Variants in NCKAP1 observed in about 807,000 individuals in gnomAD.
NCKAP1 encodes the protein nck-associated protein 1.
Under a neutral mutation model 151.2 loss-of-function variants are expected in NCKAP1, and 21 were observed. The ratio of observed to expected loss-of-function variants is 0.14; its 90% confidence interval spans 0.10 to 0.20. The LOEUF (loss-of-function observed/expected upper bound fraction) is 0.20. Among genes scored for constraint, NCKAP1 ranks in the 10% least tolerant of loss-of-function variants. The probability of loss-of-function intolerance (pLI) is 1.00; values close to 1 mark genes in which losing one functional copy is unlikely to be tolerated. For synonymous variants in NCKAP1, 484 were observed against 451.8 expected (o/e 1.07, Z -0.90); for missense variants, 933 against 1,352.1 (o/e 0.69, Z 4.86).
At chr2:182,971,016 T>C (rs1480347338) in intron 15 of NCKAP1, among the ~76,000 whole-genome samples, 1 of 151,628 alleles carries the variant, frequency 6.6e-6, no homozygotes, top group Non-Finnish European at 1.5e-5. Flanking sequence ...AAAAAGCCTA[T>C]GAACAAACTT....
chr2:182,925,804 A>T lies in NCKAP1; in HGVS notation c.3285T>A (p.Ser1095=). 1.3e-6 allele frequency: 2 copies of T among 1,567,256 alleles called. No individual in the cohort carries two copies. The highest frequency in any genetic ancestry group is 1.7e-6 in the Non-Finnish European group (2 of 1,156,706). The change falls in exon 31 of 31, where the codon TCT becomes TCA. Residue 1095 remains serine (S), a synonymous_variant. Transcript: ENST00000361354. Reference sequence around the variant, plus strand: ...CCAAAAGATCCATTGTAAGGAATGGAGATTCTTGTACAATCTGTAAAATTC... The same window carrying T: ...CCAAAAGATCCATTGTAAGGAATGGTGATTCTTGTACAATCTGTAAAATTC... ...YLLLDMIVQE[S]PFLTMDLLES... is the part of the protein sequence containing the mutation.
rs956328003 is a variant in NCKAP1, at chr2:182,913,947, C to A, written c.*11755G>T. 1 of 152,224 alleles carries A rather than the reference C, an allele frequency of 6.6e-6. No homozygotes were observed. Among genetic ancestry groups the A allele is most frequent in the Non-Finnish European group, 1.5e-5 (1 of 68,098 alleles). 9.4% of individuals were successfully genotyped at this position (152,224 alleles called of 1,614,324 possible). ...CTTAAGTAGCCCCCACAACCCTCAG[C>A]CTCTTGGTTCTAACTTAGTGAGAAA... On this transcript the variant is annotated 3_prime_UTR_variant, in exon 31 of 31. Transcript: ENST00000361354.
intron 8 of NCKAP1, among the ~76,000 whole-genome samples, chr2:182,992,225 C>A (rs1698183571): frequency 6.6e-6 from 1 of 152,076 alleles, no homozygotes; most frequent in African/African-American, 2.4e-5. Flanking sequence ...GGTAGTAGTT[C>A]CAAAAAGAGA....
intron 20 of NCKAP1, among the ~76,000 whole-genome samples, chr2:182,955,636 G>A (rs1462181425): frequency 6.6e-6 from 1 of 152,050 alleles, no homozygotes; most frequent in Admixed American, 6.6e-5. Context: ...TAGTCCTCAG[G>A]TCTTCAAACA....
intron 1 of NCKAP1, among the ~76,000 whole-genome samples, chr2:183,037,428 C>A (rs1199474072): frequency 2.6e-5 from 4 of 152,170 alleles, no homozygotes; most frequent in Non-Finnish European, 4.4e-5. Context: ...AATCCCAAAT[C>A]GTCAACACAC....
intron 9 of NCKAP1, 89 bp downstream of exon 9, chr2:182,988,941 T>G: frequency 5.1e-6 from 6 of 1,172,162 alleles, no homozygotes; most frequent in Middle Eastern, 4.1e-4. Flanking sequence ...CTGCACAGTG[T>G]GACTACTCCT....
chr2:182,953,355 A>G, intron 20 of NCKAP1, 24 bp from the exon 21 acceptor site: 3 of 1,534,858 alleles, frequency 2.0e-6, no homozygotes, highest in Non-Finnish European at 2.7e-6. Flanking sequence ...ATAGAAGAAT[A>G]AGAAAAGCCT....
chr2:183,037,301 G>A (rs895403622), intron 1 of NCKAP1, among the ~76,000 whole-genome samples: 3 of 152,204 alleles, frequency 2.0e-5, no homozygotes, highest in African/African-American at 7.2e-5. Flanking sequence ...ATGAGGAGGA[G>A]TACAGGGGAA....
rs1209787027 is a variant in NCKAP1, at chr2:182,962,220, G to T, written c.1820C>A (p.Ala607Asp). 1 of 1,612,358 alleles carries T rather than the reference G, an allele frequency of 6.2e-7. No homozygotes were observed. Among genetic ancestry groups the T allele is most frequent in the South Asian group, 1.1e-5 (1 of 90,910 alleles). The change falls in exon 18 of 31, where the codon GCC becomes GAC. Residue 607 changes from alanine to aspartate, a missense_variant. By Grantham distance (126) the Ala-to-Asp change is moderately radical. Around this residue, in one of 2 missense-constraint regions of NCKAP1, gnomAD observed 607 missense variants for 795.0 expected, o/e 0.76. Coordinates refer to ENST00000361354, the MANE Select transcript of NCKAP1 (RefSeq NM_013436.5). ...AGTGATGAGATTTCGAGCTTGTTTG[G>T]CCATTTCATCTAGGAACATATTACA... ...SLCNMFLDEMAKQARNLITDI... is the reference protein window; with the variant it reads ...SLCNMFLDEMDKQARNLITDI...
Position 182,921,902 on chromosome 2 carries a change from G to C in NCKAP1, c.*3800C>G, listed in dbSNP as rs1018175609. On this transcript the variant is annotated 3_prime_UTR_variant, in exon 31 of 31. Transcript: ENST00000361354. ...ATTAAATTTCCTTCCAATTCCACAG[G>C]ACCAATTAACGAAAAACATAATTTT... 1.3e-5 allele frequency: 2 copies of C among 152,020 alleles called. No individual in the cohort carries two copies. The highest frequency in any genetic ancestry group is 2.4e-5 in the African/African-American group (1 of 41,390). 9.4% of individuals were successfully genotyped at this position (152,020 alleles called of 1,614,324 possible). A position where few individuals can be genotyped will look rare whatever the true frequency, so the allele number is the denominator to read the frequency against.
At chr2:183,032,865 G>A (rs1373183109) in intron 1 of NCKAP1, among the ~76,000 whole-genome samples, 1 of 152,066 alleles carries the variant, frequency 6.6e-6, no homozygotes, top group Non-Finnish European at 1.5e-5. Context: ...TGGGCAACAC[G>A]GTGAAACCCC....
intron 24 of NCKAP1, among the ~76,000 whole-genome samples, chr2:182,936,464 A>G (rs763266661): frequency 6.6e-6 from 1 of 152,232 alleles, no homozygotes; most frequent in African/African-American, 2.4e-5. Context: ...ACTAAGAAAT[A>G]TAATTCCATT....
intron 15 of NCKAP1, among the ~76,000 whole-genome samples, chr2:182,972,224 C>CAAAAAAAAAAAAA (rs56834438): frequency 4.4e-5 from 3 of 67,702 alleles, no homozygotes; most frequent in African/African-American, 1.2e-4. Flanking sequence ...AGCTTAATAG[C>CAAAAAAAAAAAAA]AAAAAAAAAA....
At chr2:182,991,865 A>G (rs1451274383) in intron 8 of NCKAP1, among the ~76,000 whole-genome samples, 1 of 152,122 alleles carries the variant, frequency 6.6e-6, no homozygotes, top group South Asian at 2.1e-4. Context: ...CAGACCCAAA[A>G]ATGAACCCTA....
intron 8 of NCKAP1, among the ~76,000 whole-genome samples, chr2:182,993,686 G>A (rs1330319200): frequency 6.6e-6 from 1 of 151,886 alleles, no homozygotes; most frequent in East Asian, 1.9e-4. Flanking sequence ...GTATACATGG[G>A]CACAAAGAAA....
Position 182,924,728 on chromosome 2 carries a change from T to G in NCKAP1, c.*974A>C, listed in dbSNP as rs1696607541. On this transcript the variant is annotated 3_prime_UTR_variant, in exon 31 of 31. Transcript: ENST00000361354. ...TGGTATTTTTTTCAATAAAATGTTT[T>G]TTAAAACATTTAAACAAATCATATA... 1 of 152,176 alleles carries G rather than the reference T, an allele frequency of 6.6e-6. No homozygotes were observed. 9.4% of individuals were successfully genotyped at this position (152,176 alleles called of 1,614,324 possible).
intron 2 of NCKAP1, among the ~76,000 whole-genome samples, chr2:183,014,963 T>C (rs1698656065): frequency 6.6e-6 from 1 of 152,134 alleles, no homozygotes; most frequent in Non-Finnish European, 1.5e-5. Flanking sequence ...AACTATCACT[T>C]ACAGGCAAGA....
chr2:182,961,402 A>G (rs1204705771), intron 18 of NCKAP1, among the ~76,000 whole-genome samples: 1 of 152,246 alleles, frequency 6.6e-6, no homozygotes, highest in Non-Finnish European at 1.5e-5. Context: ...CTATGCGGCC[A>G]TAAAAAATGA....
chr2:183,028,929 C>A (rs574064973), intron 1 of NCKAP1, among the ~76,000 whole-genome samples: 1 of 144,788 alleles, frequency 6.9e-6, no homozygotes, highest in Non-Finnish European at 1.5e-5. Flanking sequence ...CTAGCCAACA[C>A]GGTGAAACCC....
Sources: gnomAD v4.1 joint callset for allele counts (sites outside exome capture counted in the v4.1 genomes callset) on GRCh38, gnomAD v4.1.1 for gene constraint, gnomAD v4.1.1 regional missense constraint, MANE v1.5 for transcripts, NCBI Gene and HGNC (gene_info 2026-07-23, HGNC 2026-07-21) for gene names.